The following PPP2R2B variants were observed in gnomAD, a reference collection of about 807,000 sequenced individuals.
PPP2R2B encodes serine/threonine-protein phosphatase 2A 55 kDa regulatory subunit B beta isoform.
A neutral mutation model predicts 46.0 loss-of-function variants in PPP2R2B; 5 were observed. The ratio of observed to expected loss-of-function variants is 0.11; its 90% CI spans 0.06 to 0.23. The LOEUF (loss-of-function observed/expected upper bound fraction) is 0.23. Ranked by LOEUF, PPP2R2B falls within the 10% of genes least tolerant of loss-of-function variation. PPP2R2B has a pLI of 1.00. For synonymous variants in PPP2R2B, 215 were observed against 206.7 expected, an observed-to-expected ratio of 1.04 and a Z score of -0.34; for missense variants, 367 against 575.0, an observed-to-expected ratio of 0.64 and a Z score of 3.70.
intron 1 of PPP2R2B, among the ~76,000 whole-genome samples, chr5:146,930,629 C>A (rs979946126): frequency 4.6e-5 from 7 of 151,970 alleles, no homozygotes; most frequent in Non-Finnish European, 8.8e-5. Flanking sequence ...ACAAAAAGGG[C>A]AGTGGGGTTA....
intron 2 of PPP2R2B, among the ~76,000 whole-genome samples, chr5:146,741,956 A>G (rs1046860127): frequency 6.6e-6 from 1 of 152,212 alleles, no homozygotes; most frequent in Non-Finnish European, 1.5e-5. Flanking sequence ...GTGTTTGTGT[A>G]GGAAGACTCG....
At chr5:146,876,843 A>G (rs908998306) in intron 2 of PPP2R2B, among the ~76,000 whole-genome samples, 2 of 152,030 alleles carry the variant, frequency 1.3e-5, no homozygotes, top group Non-Finnish European at 2.9e-5. Context: ...TGCCACCTTT[A>G]CCCCCAGATG....
intron 1 of PPP2R2B, among the ~76,000 whole-genome samples, chr5:146,895,172 G>T (rs1762606631): frequency 6.6e-6 from 1 of 152,264 alleles, no homozygotes; most frequent in East Asian, 1.9e-4. Context: ...TGCTCCACCT[G>T]AAAAGCCTTT....
At chr5:146,912,337 TGAG>T (rs982253709) in intron 1 of PPP2R2B, among the ~76,000 whole-genome samples, 1 of 149,350 alleles carries the variant, frequency 6.7e-6, no homozygotes, top group African/African-American at 2.5e-5. Flanking sequence ...ACTTCCTGAA[TGAG>T]GAGATTTTCT....
chr5:146,720,035 T>A (rs1780707980), intron 2 of PPP2R2B, among the ~76,000 whole-genome samples: 1 of 152,138 alleles, frequency 6.6e-6, no homozygotes, highest in African/African-American at 2.4e-5. Flanking sequence ...TTTACCCTCC[T>A]GAGGTTTTCC....
chr5:146,684,927 G>A (rs942466546), intron 5 of PPP2R2B, among the ~76,000 whole-genome samples: 15 of 152,022 alleles, frequency 9.9e-5, no homozygotes, highest in East Asian at 1.9e-4. Flanking sequence ...CAGAGTCCCC[G>A]GTGACCATGA....
chr5:146,674,328 A>G (rs1777568091), intron 5 of PPP2R2B, among the ~76,000 whole-genome samples: 1 of 152,216 alleles, frequency 6.6e-6, no homozygotes, highest in African/African-American at 2.4e-5. Context: ...TTGTCACTCT[A>G]AAGCCCTAGA....
chr5:147,049,545 A>T (rs1280056972), intron 1 of PPP2R2B, among the ~76,000 whole-genome samples: 1 of 152,168 alleles, frequency 6.6e-6, no homozygotes, highest in Non-Finnish European at 1.5e-5. Flanking sequence ...AGTGGATGAG[A>T]TCACTTACGA....
chr5:147,042,205 A>G (rs932991412), intron 1 of PPP2R2B, among the ~76,000 whole-genome samples: 1 of 152,108 alleles, frequency 6.6e-6, no homozygotes, highest in African/African-American at 2.4e-5. Context: ...TTACTTCTGT[A>G]AAATTGTTTT....
chr5:146,692,812 G>C (rs144789294), intron 4 of PPP2R2B, among the ~76,000 whole-genome samples: 2 of 152,238 alleles, frequency 1.3e-5, no homozygotes, highest in South Asian at 4.2e-4. Context: ...GGGATTACAG[G>C]CGGGAGCCAC....
In PPP2R2B at chr5:147,010,632, T is replaced by C. The variant is rs374601604; in HGVS notation, c.79+45033A>G. ...AAAGGAGGTGGAGCTCAGGCAGTAA[T>C]GCAAGTGATGGGGTACAACTGTAAA... On this transcript the variant is annotated intron_variant, in intron 1 of 8. Transcript: ENST00000336640. Among the ~76,000 whole-genome samples the C allele has an allele frequency of 3.7e-4, 56 of 152,260 alleles. 1 individual carries two copies. Among genetic ancestry groups the C allele is most frequent in the African/African-American group, 1.3e-3 (52 of 41,570 alleles).
intron 1 of PPP2R2B, among the ~76,000 whole-genome samples, chr5:146,917,266 C>A (rs964361970): frequency 2.0e-5 from 3 of 152,170 alleles, no homozygotes; most frequent in East Asian, 3.9e-4. Context: ...CACTATAAAG[C>A]CTTTGCCAGG....
At chr5:147,048,914 G>A (rs1756659191) in intron 1 of PPP2R2B, among the ~76,000 whole-genome samples, 1 of 152,136 alleles carries the variant, frequency 6.6e-6, no homozygotes. Flanking sequence ...AACAGAGAAA[G>A]CCTTTGCTTT....
At chr5:146,978,629 C>A (rs576365544) in intron 1 of PPP2R2B, among the ~76,000 whole-genome samples, 40 of 152,236 alleles carry the variant, frequency 2.6e-4, no homozygotes, top group African/African-American at 8.4e-4. Flanking sequence ...AATAGGGAAT[C>A]CTTTCCCCAT....
chr5:147,041,619 T>A (rs1048826952), intron 1 of PPP2R2B, among the ~76,000 whole-genome samples: 2 of 152,066 alleles, frequency 1.3e-5, no homozygotes, highest in African/African-American at 4.8e-5. Flanking sequence ...TTAGAGTTTT[T>A]TCCTTAGAAG....
chr5:146,702,740 G>A (rs1423884739), intron 2 of PPP2R2B, among the ~76,000 whole-genome samples: 2 of 152,178 alleles, frequency 1.3e-5, no homozygotes, highest in Non-Finnish European at 2.9e-5. Context: ...TGTGGTTTGT[G>A]GGTTATCAGT....
chr5:146,999,926 A>G (rs537599034), intron 1 of PPP2R2B, among the ~76,000 whole-genome samples: 3 of 152,282 alleles, frequency 2.0e-5, no homozygotes, highest in Non-Finnish European at 2.9e-5. Context: ...TTCACCTAGA[A>G]GCTTTGTTCA....
intron 1 of PPP2R2B, among the ~76,000 whole-genome samples, chr5:146,920,101 G>T (rs1013915425): frequency 5.9e-5 from 9 of 152,126 alleles, no homozygotes; most frequent in Non-Finnish European, 1.5e-5. Context: ...ACATAATCAG[G>T]CCGTACATGA....
intron 1 of PPP2R2B, among the ~76,000 whole-genome samples, chr5:146,949,223 T>C (rs1313689898): frequency 6.6e-6 from 1 of 151,902 alleles, no homozygotes; most frequent in Non-Finnish European, 1.5e-5. Context: ...ACCAACATAA[T>C]GGGAGAAAAT....
Sources: allele counts gnomAD v4.1 joint callset (sites outside exome capture counted in the v4.1 genomes callset), GRCh38; gene constraint gnomAD v4.1.1; transcripts MANE v1.5; gene names NCBI Gene and HGNC (gene_info 2026-07-23, HGNC 2026-07-21).